The following MEOX1 variants were observed in gnomAD, a reference collection of about 807,000 sequenced individuals.
MEOX1 encodes homeobox protein MOX-1.
Under a neutral mutation model 23.2 loss-of-function variants are expected in MEOX1, and 17 were observed. The ratio of observed to expected loss-of-function variants is 0.73; its 90% CI spans 0.50 to 1.10. The LOEUF (loss-of-function observed/expected upper bound fraction) is 1.10. MEOX1 is among the 50% of genes least tolerant of loss of function. The probability of loss-of-function intolerance (pLI) is 0.00; values close to 1 mark genes in which losing one functional copy is unlikely to be tolerated. For missense variants in MEOX1, 333 were observed against 332.2 expected, an observed-to-expected ratio of 1.00 and a Z score of -0.02; for synonymous variants, 134 against 135.1, an observed-to-expected ratio of 0.99 and a Z score of 0.06.
At chr17:43,655,483 A>G (rs1972998222) in intron 1 of MEOX1, among the ~76,000 whole-genome samples, 1 of 151,606 alleles carries the variant, frequency 6.6e-6, no homozygotes, top group African/African-American at 2.4e-5. Context: ...AAAAAAAAAA[A>G]GAAGAAAGAA....
At chr17:43,658,493 T>G in intron 1 of MEOX1, among the ~76,000 whole-genome samples, 1 of 134,370 alleles carries the variant, frequency 7.4e-6, no homozygotes, top group Admixed American at 8.7e-5. Flanking sequence ...GGCGTTAGAG[T>G]GAGACTCCAT....
chr17:43,649,634 G>A (rs1972878996), intron 1 of MEOX1, among the ~76,000 whole-genome samples: 1 of 152,166 alleles, frequency 6.6e-6, no homozygotes, highest in Non-Finnish European at 1.5e-5. Context: ...AGCCTTCAGA[G>A]TTCCACAATT....
chr17:43,641,631 A>T lies in MEOX1; in HGVS notation c.*279T>A. Reference sequence around the variant, plus strand: ...GAGACGCTGAGAAGCAGTATCTCTGAAGCTGTTTCCAGATTCATCCGGCCC... The same window carrying T: ...GAGACGCTGAGAAGCAGTATCTCTGTAGCTGTTTCCAGATTCATCCGGCCC... On this transcript the variant is annotated 3_prime_UTR_variant, in exon 3 of 3. Coordinates refer to ENST00000318579, the MANE Select transcript of MEOX1 (RefSeq NM_004527.4). 1 of 318,514 alleles carries T rather than the reference A, an allele frequency of 3.1e-6. No individual in the cohort carries two copies. The highest frequency in any genetic ancestry group is 5.8e-6 in the Non-Finnish European group (1 of 172,428). 19.7% of individuals were successfully genotyped at this position (318,514 alleles called of 1,614,324 possible).
intron 1 of MEOX1, among the ~76,000 whole-genome samples, 187 bp downstream of exon 1, chr17:43,660,879 T>C (rs777734259): frequency 6.6e-6 from 1 of 152,120 alleles, no homozygotes; most frequent in African/African-American, 2.4e-5. Flanking sequence ...GACACAGACA[T>C]GGTCCCCATC....
chr17:43,661,099 T>G lies in MEOX1; in HGVS notation c.436A>C (p.Lys146Gln), dbSNP rs1973129915. Residue 146 changes from lysine (K) to glutamine (Q), a missense_variant, in exon 1 of 3, where the codon AAG (lysine) becomes CAG (glutamine). Physicochemically the swap from Lys to Gln is moderately conservative, Grantham distance 53. Transcript: ENST00000318579. ...VLGSTANETE[K>Q]KSSRRRKESS... ...TCCTTTCTCCGCCTGGATGATTTCT[T>G]CTCTGTCTCATTGGCAGTGCTCCCA... is the stretch of plus-strand genomic sequence containing the variant. 1 of 1,501,996 alleles carries G rather than the reference T, an allele frequency of 6.7e-7. No homozygotes were observed. Among genetic ancestry groups the G allele is most frequent in the African/African-American group, 1.4e-5 (1 of 70,956 alleles). The allele number at this position is 1,501,996 out of a possible 1,614,324, so 93.0% of individuals were successfully genotyped here. A position where few individuals can be genotyped will look rare whatever the true frequency, so the allele number is the denominator to read the frequency against.
Position 43,643,572 on chromosome 17 carries a change from C to T in MEOX1, c.558G>A (p.Leu186=). 1 of 1,612,682 alleles carries T rather than the reference C, an allele frequency of 6.2e-7. No homozygotes were observed. The highest frequency in any genetic ancestry group is 8.5e-7 in the Non-Finnish European group (1 of 1,179,578). ...AGTTATGATGGGCAAACTCTGCCTC[C>T]AGCTCTCGCAGCTGCTCCTTGGTGA... ...TAFTKEQLRE[L]EAEFAHHNYL... The change falls in exon 2 of 3, where the codon CTG becomes CTA. Residue 186 remains leucine, a synonymous_variant. Transcript: ENST00000318579.
At chr17:43,657,012 C>CTT (rs1555567818) in intron 1 of MEOX1, among the ~76,000 whole-genome samples, 6,796 of 104,754 alleles carry the variant, frequency 0.065, 498 homozygotes, top group African/African-American at 0.17. Flanking sequence ...TTCTTTCTTT[C>CTT]TCTTTCTTTC....
At chr17:43,642,115 G>T (rs983714579) in intron 2 of MEOX1, 83 bp from the exon 3 acceptor site, 4 of 1,448,372 alleles carry the variant, frequency 2.8e-6, no homozygotes, top group Middle Eastern at 2.1e-4. Context: ...TAGCCAGGGT[G>T]TAACTCCAGG....
At chr17:43,653,981 G>A (rs1347510400) in intron 1 of MEOX1, among the ~76,000 whole-genome samples, 1 of 152,144 alleles carries the variant, frequency 6.6e-6, no homozygotes, top group East Asian at 1.9e-4. Context: ...TTCACTAAAG[G>A]GGTTTTCAAC....
At position 43,641,317 on chromosome 17, in the gene MEOX1, T is replaced by G. The variant is rs1235365761; in HGVS notation, c.*593A>C. ...GCCAACAAATTTGGAGACAGGGATG[T>G]GTTTCTGGCTTGCAGCAGCTGAGTT... is the stretch of plus-strand genomic sequence containing the variant. On this transcript the variant is annotated 3_prime_UTR_variant, in exon 3 of 3. Transcript: ENST00000318579. 1 of 152,314 alleles carries G rather than the reference T, an allele frequency of 6.6e-6. No individual in the cohort carries two copies. Among genetic ancestry groups the G allele is most frequent in the African/African-American group, 2.4e-5 (1 of 41,440 alleles). 9.4% of individuals were successfully genotyped at this position (152,314 alleles called of 1,614,324 possible).
intron 1 of MEOX1, among the ~76,000 whole-genome samples, chr17:43,655,660 T>TAAAAA (rs57762377): frequency 1.3e-5 from 1 of 75,614 alleles, no homozygotes; most frequent in African/African-American, 5.8e-5. Context: ...CCTGTCTTTC[T>TAAAAA]AAAAAAAAAA....
intron 1 of MEOX1, among the ~76,000 whole-genome samples, chr17:43,656,292 C>T (rs1973017165): frequency 6.6e-6 from 1 of 151,932 alleles, no homozygotes; most frequent in Non-Finnish European, 1.5e-5. Flanking sequence ...GGGGAGAGTG[C>T]TCTAGGCAAG....
chr17:43,645,171 CTT>C (rs869205502), intron 1 of MEOX1, among the ~76,000 whole-genome samples: 2,000 of 99,486 alleles, frequency 0.02, 16 homozygotes, highest in African/African-American at 0.075. Context: ...CATTAATTAT[CTT>C]TTTTTTTTTT....
At chr17:43,660,988 A>G in intron 1 of MEOX1, 78 bp downstream of exon 1, 5 of 892,924 alleles carry the variant, frequency 5.6e-6, no homozygotes, top group Non-Finnish European at 8.3e-6. Context: ...TGCTCAGAGC[A>G]CCTAGGCACA....
chr17:43,642,073 G>A lies in MEOX1; in HGVS notation c.643-41C>T, dbSNP rs139206026. Reference sequence around the variant, plus strand: ...AAGGAGCCTGGTCACTCCAGGGCCGGTGTGACCTCCTCCCCATGTCAATGC... The same window carrying A: ...AAGGAGCCTGGTCACTCCAGGGCCGATGTGACCTCCTCCCCATGTCAATGC... On this transcript the variant is annotated intron_variant, in intron 2 of 2. Coordinates refer to ENST00000318579, the MANE Select transcript of MEOX1 (RefSeq NM_004527.4). The A allele has an allele frequency of 1.1e-4, 170 of 1,586,174 alleles. 1 individual carries two copies. The African/African-American group carries it at 1.8e-3, about 17-fold the overall frequency.
chr17:43,642,357 C>T (rs973453318), intron 2 of MEOX1, among the ~76,000 whole-genome samples: 1 of 152,168 alleles, frequency 6.6e-6, no homozygotes, highest in Non-Finnish European at 1.5e-5. Context: ...CCCCAAGGGT[C>T]TGGGAGCAGA....
rs1567740019 is a variant in MEOX1, at chr17:43,641,086, A to T, written c.*824T>A. 6.6e-6 allele frequency: 1 copy of T among 152,194 alleles called. No individual in the cohort carries two copies. The highest frequency in any genetic ancestry group is 1.5e-5 in the Non-Finnish European group (1 of 68,040). The allele number at this position is 152,194 out of a possible 1,614,324, so 9.4% of individuals were successfully genotyped here. A position where few individuals can be genotyped will look rare whatever the true frequency, so the allele number is the denominator to read the frequency against. The stretch of plus-strand genomic sequence containing the variant: ...CAGAAATCGTGGATTTAAAAGGAGT[A>T]GCTGCTCCTTTTCTCTGGAGCACAG... On this transcript the variant is annotated 3_prime_UTR_variant, in exon 3 of 3. Transcript: ENST00000318579.
intron 2 of MEOX1, among the ~76,000 whole-genome samples, chr17:43,642,260 A>G (rs1972711068): frequency 6.6e-6 from 1 of 152,128 alleles, no homozygotes; most frequent in African/African-American, 2.4e-5. Flanking sequence ...ACGGGGGAAC[A>G]TGTTCTAAAA....
chr17:43,644,095 C>A (rs1015325426), intron 1 of MEOX1, among the ~76,000 whole-genome samples: 5 of 152,184 alleles, frequency 3.3e-5, no homozygotes, highest in Admixed American at 2.0e-4. Flanking sequence ...AAATGCAAAT[C>A]CTAGCCTCAT....
Sources: gnomAD v4.1 joint callset for allele counts (sites outside exome capture counted in the v4.1 genomes callset) on GRCh38, gnomAD v4.1.1 for gene constraint, MANE v1.5 for transcripts, NCBI Gene and HGNC (gene_info 2026-07-23, HGNC 2026-07-21) for gene names.